SLC12A6: variants seen among roughly 807,000 people sequenced by gnomAD.
SLC12A6 encodes K-Cl cotransporter 3.
SLC12A6 carries 66 observed loss-of-function variants against 135.3 expected under a neutral mutation model. The ratio of observed to expected loss-of-function variants is 0.49; its 90% CI spans 0.40 to 0.60. The LOEUF is 0.60. Among genes scored for constraint, SLC12A6 ranks in the 20% least tolerant of loss-of-function variants. The pLI is 0.00. For synonymous variants in SLC12A6, 513 were observed against 508.8 expected, an observed-to-expected ratio of 1.01 and a Z score of -0.11; for missense variants, 1,058 against 1,452.3, an observed-to-expected ratio of 0.73 and a Z score of 4.41.
chr15:34,250,322 A>G lies in SLC12A6; in HGVS notation c.1625T>C (p.Ile542Thr), dbSNP rs958786620. ...LSNVVLFGACIEGVVLRDKFG... is the reference protein window; with the variant it reads ...LSNVVLFGACTEGVVLRDKFG... ...CTTGTCTCTGAGAACAACCCCTTCAATACATGCACCAAAAAGGACAACATT... is the reference window on the plus strand; with the variant it reads ...CTTGTCTCTGAGAACAACCCCTTCAGTACATGCACCAAAAAGGACAACATT... Residue 542 changes from isoleucine to threonine, a missense_variant, in exon 13 of 26, where the codon ATT becomes ACT. By Grantham distance (89) the Ile-to-Thr change is moderately conservative. This residue lies in a region of SLC12A6 where 297 missense variants were observed against 318.5 expected (regional missense o/e 0.93). Transcript: ENST00000354181. The G allele has an allele frequency of 7.5e-6, 12 of 1,591,394 alleles. 2 individuals carry two copies. The Middle Eastern group carries it at 1.8e-3, about 241-fold the overall frequency.
chr15:34,280,040 G>A (rs1209001761), intron 2 of SLC12A6, among the ~76,000 whole-genome samples: 1 of 152,140 alleles, frequency 6.6e-6, no homozygotes, highest in African/African-American at 2.4e-5. Flanking sequence ...GATTGTGGGT[G>A]GTACTCACTT....
At position 34,230,339 on chromosome 15, in the gene SLC12A6, A is replaced by ATTAT. The variant is rs1324309073; in HGVS notation, c.*3538_*3541dup. The ATTAT allele has an allele frequency of 2.0e-5, 3 of 153,170 alleles. No individual in the cohort carries two copies. Among genetic ancestry groups the ATTAT allele is most frequent in the Non-Finnish European group, 4.4e-5 (3 of 68,760 alleles). 9.5% of individuals were successfully genotyped at this position (153,170 alleles called of 1,614,324 possible). ...TAAATATGCATACAGTGTAACTGTT[A>ATTAT]TTATTTTAATACCCACGATAAGGGA... On this transcript the variant is annotated 3_prime_UTR_variant, in exon 26 of 26. Coordinates refer to ENST00000354181, the MANE Select transcript of SLC12A6 (RefSeq NM_001365088.1).
At chr15:34,243,890 G>C in intron 16 of SLC12A6, 84 bp downstream of exon 16, 2 of 862,436 alleles carry the variant, frequency 2.3e-6, no homozygotes, top group Non-Finnish European at 4.0e-6. Context: ...AAATTTTATC[G>C]AGAACCCAGA....
At chr15:34,260,383 C>T (rs371761364) in intron 4 of SLC12A6, among the ~76,000 whole-genome samples, 1 of 152,116 alleles carries the variant, frequency 6.6e-6, no homozygotes, top group Non-Finnish European at 1.5e-5. Context: ...CTCAGCCTCC[C>T]GAGTAGCTGG....
chr15:34,312,428 C>T (rs766720459), intron 2 of SLC12A6, among the ~76,000 whole-genome samples: 3 of 152,148 alleles, frequency 2.0e-5, no homozygotes, highest in Admixed American at 6.5e-5. Flanking sequence ...CCTGGAGATA[C>T]GAAAATGATC....
At chr15:34,306,344 G>A (rs1161502013) in intron 2 of SLC12A6, among the ~76,000 whole-genome samples, 1 of 151,732 alleles carries the variant, frequency 6.6e-6, no homozygotes, top group Non-Finnish European at 1.5e-5. Flanking sequence ...ACATATGCCA[G>A]CCACAGGGAT....
At chr15:34,255,986 A>G (rs540159531) in intron 7 of SLC12A6, among the ~76,000 whole-genome samples, 14 of 152,104 alleles carry the variant, frequency 9.2e-5, no homozygotes, top group Non-Finnish European at 1.5e-4. Context: ...TATATATTCC[A>G]ACTAATAAAA....
intron 5 of SLC12A6, among the ~76,000 whole-genome samples, chr15:34,258,156 T>C (rs1440725822): frequency 6.6e-6 from 1 of 152,242 alleles, no homozygotes; most frequent in Non-Finnish European, 1.5e-5. Flanking sequence ...CTTCAGAATT[T>C]GGCATAAATT....
chr15:34,334,872 C>T (rs1417704850), intron 2 of SLC12A6, among the ~76,000 whole-genome samples: 4 of 152,094 alleles, frequency 2.6e-5, no homozygotes, highest in Non-Finnish European at 2.9e-5. Flanking sequence ...ACGTAAGAAC[C>T]GCAGACTGGA....
intron 2 of SLC12A6, among the ~76,000 whole-genome samples, chr15:34,285,720 T>TACACACACACACACACAC (rs1895025332): frequency 7.2e-4 from 1 of 1,380 alleles, no homozygotes; most frequent in African/African-American, 3.5e-3. Flanking sequence ...GTGTTTGTCA[T>TACACACACACACACACAC]ACATAAAATG....
At chr15:34,234,506 G>C (rs1479090957) in intron 25 of SLC12A6, among the ~76,000 whole-genome samples, 1 of 152,002 alleles carries the variant, frequency 6.6e-6, no homozygotes, top group African/African-American at 2.4e-5. Flanking sequence ...CGAGTAGCTG[G>C]GATTACAGGC....
chr15:34,336,749 T>C lies in SLC12A6; in HGVS notation c.-69A>G. 1.7e-6 allele frequency: 2 copies of C among 1,194,498 alleles called. No homozygotes were observed. The highest frequency in any genetic ancestry group is 1.5e-5 in the African/African-American group (1 of 66,782). 74.0% of individuals were successfully genotyped at this position (1,194,498 alleles called of 1,614,324 possible). ...AATCTTCCTCTTACGCTAGCTACTTTTGACTGCAATACAAAAGATAACTTG... is the reference window on the plus strand; with the variant it reads ...AATCTTCCTCTTACGCTAGCTACTTCTGACTGCAATACAAAAGATAACTTG... On this transcript the variant is annotated 5_prime_UTR_variant, in exon 2 of 26. Transcript: ENST00000354181.
chr15:34,310,817 T>G (rs867219394), intron 2 of SLC12A6, among the ~76,000 whole-genome samples: 1 of 109,576 alleles, frequency 9.1e-6, no homozygotes, highest in East Asian at 3.1e-4. Flanking sequence ...TGTGTGTGTG[T>G]GTCCCGTGTC....
chr15:34,283,813 A>G lies in SLC12A6; in HGVS notation c.272-8424T>C, dbSNP rs182661003. On this transcript the variant is annotated intron_variant, in intron 2 of 25. Transcript: ENST00000354181. ...CATCAAGCTGGAGTGCAGTGGTGCA[A>G]TCAGGGCTTACTACAGCCTCAACCT... 1.7e-3 allele frequency among the ~76,000 whole-genome samples: 251 copies of G among 152,100 alleles called. 3 individuals are homozygous for G. The Middle Eastern group carries it at 0.024, about 14-fold the overall frequency.
chr15:34,234,897 G>C (rs1417790610), intron 25 of SLC12A6, among the ~76,000 whole-genome samples: 2 of 152,178 alleles, frequency 1.3e-5, no homozygotes, highest in African/African-American at 4.8e-5. Flanking sequence ...AAGGATGTGG[G>C]TATGCTGTCT....
At position 34,293,198 on chromosome 15, in the gene SLC12A6, T is replaced by C. The variant is rs373179167; in HGVS notation, c.272-17809A>G. On this transcript the variant is annotated intron_variant, in intron 2 of 25. Transcript: ENST00000354181. The stretch of plus-strand genomic sequence containing the variant: ...TTAAAAAATCTTAATTGAGTTCTGA[T>C]ATGGCTTTAAGGATACAGCAATTAG... Among the ~76,000 whole-genome samples the C allele has an allele frequency of 1.1e-4, 16 of 152,354 alleles. 1 individual carries two copies. The highest frequency in any genetic ancestry group is 2.9e-4 in the African/African-American group (12 of 41,588).
At chr15:34,303,565 T>C (rs867983517) in intron 2 of SLC12A6, among the ~76,000 whole-genome samples, 1 of 152,156 alleles carries the variant, frequency 6.6e-6, no homozygotes, top group African/African-American at 2.4e-5. Flanking sequence ...AGACCTGCCA[T>C]GGTTTGAATA....
At chr15:34,337,894 A>G (rs1890304409), upstream of SLC12A6, 1 of 152,144 alleles carries the variant, frequency 6.6e-6, no homozygotes, top group African/African-American at 2.4e-5. Context: ...CCCGGGCCCG[A>G]CGGGGTGCGC....
chr15:34,294,020 C>T (rs1384200741), intron 2 of SLC12A6, among the ~76,000 whole-genome samples: 3 of 152,210 alleles, frequency 2.0e-5, no homozygotes. Flanking sequence ...TATATTAATT[C>T]ACCAATCATT....
Sources: allele counts gnomAD v4.1 joint callset (sites outside exome capture counted in the v4.1 genomes callset), GRCh38; gene constraint gnomAD v4.1.1; regional missense constraint gnomAD v4.1.1; transcripts MANE v1.5; gene names NCBI Gene and HGNC (gene_info 2026-07-23, HGNC 2026-07-21).